The following SUCLA2 variants were observed in gnomAD, a reference collection of about 807,000 sequenced individuals.
SUCLA2 encodes the protein succinate-CoA ligase ADP-forming subunit beta.
SUCLA2 carries 30 observed loss-of-function variants against 54.8 expected under a neutral mutation model. That is an observed-to-expected ratio of 0.55 (90% CI 0.41 to 0.74). SUCLA2 has a LOEUF of 0.74. SUCLA2 is among the 30% of genes least tolerant of loss of function. The pLI, the probability that SUCLA2 is intolerant of heterozygous loss-of-function variation, is 0.00. For missense variants in SUCLA2, 476 were observed against 562.9 expected, an observed-to-expected ratio of 0.85 and a Z score of 1.56; for synonymous variants, 172 against 188.9, an observed-to-expected ratio of 0.91 and a Z score of 0.74.
At chr13:47,978,884 C>T (rs991830090) in intron 4 of SUCLA2, among the ~76,000 whole-genome samples, 6 of 152,188 alleles carry the variant, frequency 3.9e-5, no homozygotes, top group Non-Finnish European at 8.8e-5. Flanking sequence ...CAAAAGAAGA[C>T]ATTTATGCAG....
At chr13:47,992,359 TA>T (rs11315121) in intron 2 of SUCLA2, among the ~76,000 whole-genome samples, 78,772 of 112,598 alleles carry the variant, frequency 0.7, 24,234 homozygotes, top group East Asian at 0.81. Context: ...AAGTTCCTTC[TA>T]AAAAAAAAAA....
At chr13:47,997,312 T>A (rs1249832674) in intron 1 of SUCLA2, among the ~76,000 whole-genome samples, 1 of 152,192 alleles carries the variant, frequency 6.6e-6, no homozygotes, top group East Asian at 1.9e-4. Flanking sequence ...AATGCCAAAT[T>A]CAGCGGATCT....
In SUCLA2 at chr13:48,001,221, G is replaced by C. The variant is rs200124902; in HGVS notation, c.49C>G (p.Arg17Gly). 436 of 1,608,810 alleles carry C rather than the reference G, an allele frequency of 2.7e-4. 1 individual carries two copies. The Middle Eastern group carries it at 4.3e-3, about 16-fold the overall frequency. ...TGGGCCGTCCGAGGCCGGTGGTTCC[G>C]AAGGGTGGCCACGGCCACTAGCCTG... is the stretch of plus-strand genomic sequence containing the variant. Reference protein sequence around the residue: ...YGRLVAVATLRNHRPRTAQRA... With the variant: ...YGRLVAVATLGNHRPRTAQRA... Residue 17 changes from arginine to glycine, a missense_variant, in exon 1 of 11, where the codon CGG becomes GGG. This residue lies in a region of SUCLA2 where 134 missense variants were observed against 118.7 expected (regional missense o/e 1.13). Transcript: ENST00000646932.
At chr13:47,993,423 T>C (rs890651398) in intron 2 of SUCLA2, among the ~76,000 whole-genome samples, 1 of 152,224 alleles carries the variant, frequency 6.6e-6, no homozygotes, top group African/African-American at 2.4e-5. Flanking sequence ...AACCTTCATT[T>C]TGGGGACTCA....
At chr13:47,996,422 T>C (rs1322484338) in intron 2 of SUCLA2, among the ~76,000 whole-genome samples, 1 of 151,776 alleles carries the variant, frequency 6.6e-6, no homozygotes, top group Non-Finnish European at 1.5e-5. Flanking sequence ...ATATTTTTCA[T>C]GACAAAAAAA....
intron 8 of SUCLA2, among the ~76,000 whole-genome samples, chr13:47,950,598 C>A (rs1344667421): frequency 6.6e-6 from 1 of 152,152 alleles, no homozygotes; most frequent in Non-Finnish European, 1.5e-5. Context: ...AGCATTCTTT[C>A]AACATCACAA....
Position 48,001,135 on chromosome 13 carries a change from T to G in SUCLA2, c.90+45A>C, listed in dbSNP as rs749892215. 2.5e-5 allele frequency: 40 copies of G among 1,573,066 alleles called. 3 individuals carry two copies. The South Asian group carries it at 4.3e-4, about 17-fold the overall frequency. On this transcript the variant is annotated intron_variant, in intron 1 of 10. Transcript: ENST00000646932. The stretch of plus-strand genomic sequence containing the variant: ...CACGGGACCCCTCACACCTCACCCT[T>G]TCTCCTGCCGACCCTCGAGACGACA...
intron 5 of SUCLA2, among the ~76,000 whole-genome samples, chr13:47,969,139 G>A (rs1046984984): frequency 6.6e-6 from 1 of 152,146 alleles, no homozygotes; most frequent in Non-Finnish European, 1.5e-5. Flanking sequence ...TTGAAAGACT[G>A]AGGGGCCAGA....
In SUCLA2 at chr13:47,973,204, A is replaced by T. The variant is rs186308474; in HGVS notation, c.663+60T>A. The T allele has an allele frequency of 2.0e-4, 277 of 1,419,772 alleles. 1 individual carries two copies. In the African/African-American group the frequency reaches 3.7e-3, roughly 19 times the overall value. The allele number at this position is 1,419,772 out of a possible 1,614,324, so 87.9% of individuals were successfully genotyped here. A position where few individuals can be genotyped will look rare whatever the true frequency, so the allele number is the denominator to read the frequency against. Reference sequence around the variant, plus strand: ...TGACAATTACTTCAGTTGTACGGTTATCTTTAAGTATCATAATTCTCTAAT... The same window carrying T: ...TGACAATTACTTCAGTTGTACGGTTTTCTTTAAGTATCATAATTCTCTAAT... On this transcript the variant is annotated intron_variant, in intron 5 of 10. Transcript: ENST00000646932.
intron 5 of SUCLA2, among the ~76,000 whole-genome samples, chr13:47,970,509 C>G (rs1949954354): frequency 6.6e-6 from 1 of 152,142 alleles, no homozygotes; most frequent in African/African-American, 2.4e-5. Context: ...TTGCCAAAAT[C>G]AATTTGCTTT....
At chr13:47,983,740 C>T (rs1484263548) in intron 4 of SUCLA2, among the ~76,000 whole-genome samples, 8 of 152,098 alleles carry the variant, frequency 5.3e-5, no homozygotes, top group African/African-American at 1.7e-4. Flanking sequence ...CCACCCGCCT[C>T]GGCCTCTCAA....
chr13:47,967,248 C>G (rs1185105624), intron 6 of SUCLA2, among the ~76,000 whole-genome samples: 1 of 151,762 alleles, frequency 6.6e-6, no homozygotes, highest in Non-Finnish European at 1.5e-5. Flanking sequence ...TAAGGAACAT[C>G]TAGTGAAGGC....
chr13:47,959,173 T>C (rs1279061836), intron 6 of SUCLA2, among the ~76,000 whole-genome samples: 1 of 152,124 alleles, frequency 6.6e-6, no homozygotes. Flanking sequence ...AGAAAAATAA[T>C]AATTTTGTTT....
At chr13:47,994,472 G>A (rs1363930528) in intron 2 of SUCLA2, among the ~76,000 whole-genome samples, 1 of 150,956 alleles carries the variant, frequency 6.6e-6, no homozygotes, top group East Asian at 2.0e-4. Flanking sequence ...GGAGGCTGAG[G>A]CAGGAGAATT....
At chr13:47,957,401 CT>C (rs1949830024) in intron 6 of SUCLA2, among the ~76,000 whole-genome samples, 1 of 152,122 alleles carries the variant, frequency 6.6e-6, no homozygotes, top group Non-Finnish European at 1.5e-5. Flanking sequence ...GAACATGTTG[CT>C]TGTGACTCAG....
At chr13:47,961,835 C>T (rs1949873757) in intron 6 of SUCLA2, among the ~76,000 whole-genome samples, 1 of 152,140 alleles carries the variant, frequency 6.6e-6, no homozygotes, top group Non-Finnish European at 1.5e-5. Context: ...TCAACATCCA[C>T]AATTGATATA....
At chr13:47,950,075 TC>T (rs1341938395) in intron 8 of SUCLA2, among the ~76,000 whole-genome samples, 1 of 152,256 alleles carries the variant, frequency 6.6e-6, no homozygotes, top group Non-Finnish European at 1.5e-5. Flanking sequence ...AATGTTTGAC[TC>T]CTGCAGAGCA....
chr13:47,944,211 T>C (rs1373622462), intron 10 of SUCLA2, among the ~76,000 whole-genome samples: 1 of 152,156 alleles, frequency 6.6e-6, no homozygotes, highest in Non-Finnish European at 1.5e-5. Context: ...TCTATAAAAA[T>C]GGAAATTTTA....
intron 2 of SUCLA2, among the ~76,000 whole-genome samples, chr13:47,990,893 A>C (rs1950144573): frequency 6.6e-6 from 1 of 152,244 alleles, no homozygotes; most frequent in African/African-American, 2.4e-5. Flanking sequence ...AAAATTACTG[A>C]TGTAAGCCTT....
Sources: gnomAD v4.1 joint callset for allele counts (sites outside exome capture counted in the v4.1 genomes callset) on GRCh38, gnomAD v4.1.1 for gene constraint, gnomAD v4.1.1 regional missense constraint, MANE v1.5 for transcripts, NCBI Gene and HGNC (gene_info 2026-07-23, HGNC 2026-07-21) for gene names.